CAMTA1: variants seen among roughly 807,000 people sequenced by gnomAD.
CAMTA1 encodes calmodulin binding transcription activator 1.
Under a neutral mutation model 170.9 loss-of-function variants are expected in CAMTA1, and 27 were observed. The ratio of observed to expected loss-of-function variants is 0.16; its 90% CI spans 0.12 to 0.22. The LOEUF is 0.22. CAMTA1 is among the 10% of genes least tolerant of loss of function. The pLI is 1.00. For missense variants in CAMTA1, 1,619 were observed against 2,217.2 expected (o/e 0.73, Z 5.42); for synonymous variants, 833 against 891.5 (o/e 0.93, Z 1.17).
At chr1:7,448,374 G>C (rs1188456440) in intron 5 of CAMTA1, among the ~76,000 whole-genome samples, 1 of 152,168 alleles carries the variant, frequency 6.6e-6, no homozygotes, top group Non-Finnish European at 1.5e-5. Flanking sequence ...CCATGTCCTG[G>C]AGGAAGGACC....
intron 3 of CAMTA1, among the ~76,000 whole-genome samples, chr1:6,963,963 G>T (rs984971785): frequency 6.6e-6 from 1 of 152,252 alleles, no homozygotes; most frequent in Admixed American, 6.5e-5. Context: ...GGGTGCTCTG[G>T]GTGAGGCACA....
chr1:6,843,823 A>G (rs1018724690), intron 3 of CAMTA1, among the ~76,000 whole-genome samples: 4 of 152,158 alleles, frequency 2.6e-5, no homozygotes, highest in Non-Finnish European at 5.9e-5. Context: ...ATACTCCCAC[A>G]ACAGCTTCAG....
At chr1:6,958,763 T>A (rs561259644) in intron 3 of CAMTA1, among the ~76,000 whole-genome samples, 21 of 152,344 alleles carry the variant, frequency 1.4e-4, no homozygotes, top group African/African-American at 4.6e-4. Context: ...TTATTTTTTT[T>A]AATTAAGCTG....
rs1431072819 is a variant in CAMTA1, at chr1:7,276,297, A to ATTT, written c.438+26672_438+26673insTTT. On this transcript the variant is annotated intron_variant, in intron 5 of 22. Transcript: ENST00000303635. ...CCTGATCATATATATATATATATAT[A>ATTT]TATATATTTTTTTTTTTTTTTTTTC... is the stretch of plus-strand genomic sequence containing the variant. Among the ~76,000 whole-genome samples, 4 of 21,556 alleles carry ATTT rather than the reference A, an allele frequency of 1.9e-4. No individual in the cohort carries two copies. The African/African-American group carries it at 2.0e-3, about 11-fold the overall frequency. The allele number at this position is 21,556 out of a possible 152,430, so 14.1% of individuals were successfully genotyped here.
Position 7,738,149 on chromosome 1 carries a change from C to A in CAMTA1, c.3849C>A (p.Val1283=). Residue 1283 remains valine, a synonymous_variant, in exon 16 of 23, where the codon GTC becomes GTA. Transcript: ENST00000303635. This position sits in a 1 kb window ranked among gnomAD's most constrained non-coding sequence, Gnocchi z 4.9. Reference sequence around the variant, plus strand: ...AAAGCCCTAGTTCTAAGCAGTCTGTCCCCGAGACACTCAGCCCCAGTGAAG... The same window carrying A: ...AAAGCCCTAGTTCTAAGCAGTCTGTACCCGAGACACTCAGCCCCAGTGAAG... ...RKQSPSSKQS[V]PETLSPSEGV... 1 of 1,614,090 alleles carries A rather than the reference C, an allele frequency of 6.2e-7. No homozygotes were observed. Among genetic ancestry groups the A allele is most frequent in the Non-Finnish European group, 8.5e-7 (1 of 1,179,978 alleles).
intron 4 of CAMTA1, among the ~76,000 whole-genome samples, chr1:7,174,866 T>C (rs1650450165): frequency 6.6e-6 from 1 of 152,200 alleles, no homozygotes; most frequent in South Asian, 2.1e-4. Flanking sequence ...CTTGTGGGTC[T>C]GGGATGGTTT....
chr1:7,126,752 G>A (rs952734524), intron 4 of CAMTA1, among the ~76,000 whole-genome samples: 7 of 152,096 alleles, frequency 4.6e-5, no homozygotes, highest in African/African-American at 1.4e-4. Context: ...CTTTTCTGTC[G>A]CTGCTCAGGA....
At chr1:7,669,011 C>T (rs989702893) in intron 9 of CAMTA1, among the ~76,000 whole-genome samples, 4 of 152,176 alleles carry the variant, frequency 2.6e-5, no homozygotes, top group South Asian at 2.1e-4. Flanking sequence ...CCCAATGCCC[C>T]GCCACTTCCA....
rs1354193676 is a variant in CAMTA1, at chr1:7,387,342, C to G, written c.439-80488C>G. Among the ~76,000 whole-genome samples, 4 of 152,288 alleles carry G rather than the reference C, an allele frequency of 2.6e-5. No homozygotes were observed. The South Asian group carries it at 8.3e-4, about 32-fold the overall frequency. ...TGGCACCACCACACAGCCACCCCAACCAGGAGACCTCACAATCCTAGTTTC... is the reference window on the plus strand; with the variant it reads ...TGGCACCACCACACAGCCACCCCAAGCAGGAGACCTCACAATCCTAGTTTC... On this transcript the variant is annotated intron_variant, in intron 5 of 22. Coordinates refer to ENST00000303635, the MANE Select transcript of CAMTA1 (RefSeq NM_015215.4).
Position 7,180,425 on chromosome 1 carries a change from G to A in CAMTA1, c.303-69066G>A, listed in dbSNP as rs561769253. 1.0e-3 allele frequency among the ~76,000 whole-genome samples: 157 copies of A among 150,700 alleles called. 1 individual carries two copies. Among genetic ancestry groups the A allele is most frequent in the South Asian group, 5.3e-3 (25 of 4,758 alleles). ...AAAATATGAAAACAGTATCAATTTG[G>A]TATAGGAAGCTTAAAGCTTAAATAA... is the stretch of plus-strand genomic sequence containing the variant. On this transcript the variant is annotated intron_variant, in intron 4 of 22. Transcript: ENST00000303635.
rs114392262 is a variant in CAMTA1, at chr1:6,884,760, T to C, written c.234+59550T>C. Reference sequence around the variant, plus strand: ...AAGGAATAATTACTTGTTCATTTTGTAGTGCTAAAATCCTGGGAATGCGCA... The same window carrying C: ...AAGGAATAATTACTTGTTCATTTTGCAGTGCTAAAATCCTGGGAATGCGCA... On this transcript the variant is annotated intron_variant, in intron 3 of 22. Transcript: ENST00000303635. Among the ~76,000 whole-genome samples, 443 of 152,350 alleles carry C rather than the reference T, an allele frequency of 2.9e-3. 1 individual carries two copies. The highest frequency in any genetic ancestry group is 4.5e-3 in the Non-Finnish European group (306 of 68,028).
chr1:6,809,173 C>T (rs1036649002), intron 1 of CAMTA1, among the ~76,000 whole-genome samples: 1 of 151,890 alleles, frequency 6.6e-6, no homozygotes, highest in African/African-American at 2.4e-5. Context: ...ATTACAGGCA[C>T]CCACCACCAT....
chr1:6,811,042 C>T (rs1270955097), intron 1 of CAMTA1, among the ~76,000 whole-genome samples: 1 of 152,126 alleles, frequency 6.6e-6, no homozygotes, highest in East Asian at 1.9e-4. Context: ...GCCTTCTGTG[C>T]CCTTTGTCTT....
chr1:7,514,623 G>A (rs1351482380), intron 6 of CAMTA1, among the ~76,000 whole-genome samples: 1 of 152,204 alleles, frequency 6.6e-6, no homozygotes. Context: ...CAAGCAGGGA[G>A]AGCCCTGTGC....
chr1:7,602,587 T>G (rs1466327307), intron 6 of CAMTA1, among the ~76,000 whole-genome samples: 3 of 152,232 alleles, frequency 2.0e-5, no homozygotes, highest in Non-Finnish European at 4.4e-5. Flanking sequence ...TCAATTTTGT[T>G]GATCTTTTCA....
intron 5 of CAMTA1, among the ~76,000 whole-genome samples, chr1:7,352,515 T>C (rs543822523): frequency 1.9e-4 from 29 of 152,324 alleles, no homozygotes; most frequent in African/African-American, 5.0e-4. Context: ...CCAGGCTGTG[T>C]GTGGCGTGTG....
At chr1:6,905,536 C>T (rs980696034) in intron 3 of CAMTA1, among the ~76,000 whole-genome samples, 1 of 152,080 alleles carries the variant, frequency 6.6e-6, no homozygotes, top group Non-Finnish European at 1.5e-5. Flanking sequence ...CTTGCCCCAC[C>T]CCTGCCACCA....
intron 19 of CAMTA1, 91 bp downstream of exon 19, chr1:7,747,872 A>T: frequency 1.4e-6 from 1 of 700,022 alleles, no homozygotes. Context: ...TACATCTAGT[A>T]CCTCATTACA....
At chr1:7,606,265 A>G (rs1200812607) in intron 6 of CAMTA1, among the ~76,000 whole-genome samples, 1 of 152,198 alleles carries the variant, frequency 6.6e-6, no homozygotes, top group Non-Finnish European at 1.5e-5. Flanking sequence ...AGAGGATGCC[A>G]GCGGTCCAAG....
Sources: gnomAD v4.1 joint callset for allele counts (sites outside exome capture counted in the v4.1 genomes callset) on GRCh38, gnomAD v4.1.1 for gene constraint, Gnocchi (gnomAD v3.1) non-coding constraint, MANE v1.5 for transcripts, NCBI Gene and HGNC (gene_info 2026-07-23, HGNC 2026-07-21) for gene names.